The following CNKSR2 variants were observed in gnomAD, a reference collection of about 807,000 sequenced individuals.
CNKSR2 encodes connector enhancer of kinase suppressor of Ras 2.
CNKSR2 carries 14 observed loss-of-function variants against 84.4 expected under a neutral mutation model. The observed-to-expected ratio is 0.17, with a 90% confidence interval of 0.11 to 0.26. The LOEUF (loss-of-function observed/expected upper bound fraction) is 0.26. CNKSR2 is among the 10% of genes least tolerant of loss of function. The pLI is 1.00. For missense variants in CNKSR2, 485 were observed against 771.2 expected (o/e 0.63, Z 4.40); for synonymous variants, 275 against 277.9 (o/e 0.99, Z 0.10).
At chrX:21,605,512 G>T (rs2092511260) in intron 18 of CNKSR2, among the ~76,000 whole-genome samples, 1 of 111,708 alleles carries the variant, frequency 9.0e-6, no homozygotes, top group African/African-American at 3.3e-5. Flanking sequence ...AGCAGGAGGA[G>T]ATAGGGGGAT....
intron 9 of CNKSR2, among the ~76,000 whole-genome samples, chrX:21,521,045 G>A (rs894361818): frequency 9.1e-6 from 1 of 110,037 alleles, no homozygotes; most frequent in Non-Finnish European, 1.9e-5. Flanking sequence ...AATGTTGATT[G>A]CATTTGATTT....
In CNKSR2 at chrX:21,652,344, A is replaced by C. The variant is rs1293045702; in HGVS notation, c.2928A>C (p.Leu976=). The change falls in exon 22 of 22, where the codon CTA becomes CTC. Residue 976 remains leucine, a synonymous_variant. Transcript: ENST00000379510. ...EGEVAIIDKV[L]DNPDLTSKEF... Reference sequence around the variant, plus strand: ...AAGTAGCCATTATCGATAAAGTCCTAGACAATCCAGACTTGACATCTAAAG... The same window carrying C: ...AAGTAGCCATTATCGATAAAGTCCTCGACAATCCAGACTTGACATCTAAAG... 1 of 1,210,998 alleles carries C rather than the reference A, an allele frequency of 8.3e-7. No individual in the cohort carries two copies. The highest frequency in any genetic ancestry group is 3.0e-5 in the East Asian group (1 of 33,849).
intron 1 of CNKSR2, among the ~76,000 whole-genome samples, chrX:21,414,138 A>T (rs1289770428): frequency 9.0e-6 from 1 of 110,836 alleles, no homozygotes; most frequent in African/African-American, 3.3e-5. Context: ...TTTTTGAGGA[A>T]CCACTAAACT....
intron 5 of CNKSR2, among the ~76,000 whole-genome samples, chrX:21,476,601 G>A (rs948202494): frequency 6.3e-5 from 7 of 110,767 alleles, no homozygotes; most frequent in Non-Finnish European, 1.3e-4. Flanking sequence ...AATCCCTGGT[G>A]GGAAGGGAGA....
In CNKSR2 at chrX:21,461,073, C is replaced by T. The variant is rs769011520; in HGVS notation, c.520-9693C>T. 5.4e-5 allele frequency among the ~76,000 whole-genome samples: 6 copies of T among 111,781 alleles called. No individual in the cohort carries two copies. The East Asian group carries it at 1.4e-3, about 26-fold the overall frequency. On this transcript the variant is annotated intron_variant, in intron 4 of 21. Transcript: ENST00000379510. The stretch of plus-strand genomic sequence containing the variant: ...CAGAAGTTGGATTGCTGGATTATGT[C>T]ACAGCTGTATTTTTAGTTTTTTAAG...
chrX:21,640,786 C>G (rs1271770316), intron 20 of CNKSR2, among the ~76,000 whole-genome samples: 1 of 112,031 alleles, frequency 8.9e-6, no homozygotes, highest in African/African-American at 3.2e-5. Context: ...ATAAAATGAC[C>G]TAAAAGAGGG....
At chrX:21,562,799 C>T (rs1177004893) in intron 12 of CNKSR2, among the ~76,000 whole-genome samples, 1 of 110,598 alleles carries the variant, frequency 9.0e-6, no homozygotes, top group Non-Finnish European at 1.9e-5. Flanking sequence ...CTTAACTTCT[C>T]CAAGCATGCT....
intron 4 of CNKSR2, among the ~76,000 whole-genome samples, chrX:21,458,808 T>C (rs890800618): frequency 3.6e-5 from 4 of 110,477 alleles, no homozygotes; most frequent in African/African-American, 1.3e-4. Context: ...CCTCTATGTG[T>C]CCATGTGTTC....
intron 20 of CNKSR2, among the ~76,000 whole-genome samples, chrX:21,614,917 A>G (rs1395762189): frequency 8.9e-6 from 1 of 111,750 alleles, no homozygotes; most frequent in Non-Finnish European, 1.9e-5. Flanking sequence ...ACCAGGCCCT[A>G]TCTTTAGTCC....
chrX:21,573,172 G>T (rs1044144607), intron 13 of CNKSR2, among the ~76,000 whole-genome samples: 3 of 112,362 alleles, frequency 2.7e-5, no homozygotes, highest in Non-Finnish European at 5.6e-5. Context: ...CTCACATTTA[G>T]GTCACACTGT....
chrX:21,399,611 A>G (rs1485764226), intron 1 of CNKSR2, among the ~76,000 whole-genome samples: 1 of 111,878 alleles, frequency 8.9e-6, no homozygotes, highest in Non-Finnish European at 1.9e-5. Flanking sequence ...ACCTCTTAGG[A>G]TAGTGCAGTT....
intron 10 of CNKSR2, among the ~76,000 whole-genome samples, chrX:21,529,707 C>T (rs925775108): frequency 9.0e-6 from 1 of 110,820 alleles, no homozygotes; most frequent in African/African-American, 3.3e-5. Context: ...CACATACACA[C>T]ATTTACATAC....
chrX:21,438,989 A>G (rs1357028622), intron 3 of CNKSR2, among the ~76,000 whole-genome samples: 1 of 111,693 alleles, frequency 9.0e-6, no homozygotes, highest in Non-Finnish European at 1.9e-5. Context: ...ACAAATCCAC[A>G]GTTGTAGACT....
chrX:21,584,334 C>A (rs968148437), intron 13 of CNKSR2, among the ~76,000 whole-genome samples: 10 of 112,354 alleles, frequency 8.9e-5, no homozygotes, highest in Non-Finnish European at 1.9e-4. Context: ...ATGGTTTGTT[C>A]AACATCCATT....
At chrX:21,425,691 C>T (rs192367019) in intron 1 of CNKSR2, 3 of 111,443 alleles carry the variant, frequency 2.7e-5, no homozygotes, top group Non-Finnish European at 3.8e-5. Context: ...ATTTCTAGAG[C>T]GTTAGTTTTA....
intron 20 of CNKSR2, among the ~76,000 whole-genome samples, chrX:21,618,135 T>G (rs751120373): frequency 9.0e-6 from 1 of 111,066 alleles, no homozygotes; most frequent in Non-Finnish European, 1.9e-5. Flanking sequence ...GGATATGGGC[T>G]TCATAGCCAC....
At chrX:21,566,358 C>T (rs2092238525) in intron 13 of CNKSR2, among the ~76,000 whole-genome samples, 1 of 112,071 alleles carries the variant, frequency 8.9e-6, no homozygotes. Flanking sequence ...TTATATTTCA[C>T]AGGAATTTCT....
At chrX:21,538,047 T>C (rs927533718) in intron 11 of CNKSR2, 4 of 111,842 alleles carry the variant, frequency 3.6e-5, no homozygotes, top group African/African-American at 1.3e-4. Flanking sequence ...TTCTTTTGTG[T>C]GCTTCCATGA....
chrX:21,403,397 T>G (rs2090219240), intron 1 of CNKSR2, among the ~76,000 whole-genome samples: 1 of 111,845 alleles, frequency 8.9e-6, no homozygotes, highest in Non-Finnish European at 1.9e-5. Flanking sequence ...TAACAAACAG[T>G]TCTACCCTAA....
Sources: allele counts gnomAD v4.1 joint callset (sites outside exome capture counted in the v4.1 genomes callset), GRCh38; gene constraint gnomAD v4.1.1; transcripts MANE v1.5; gene names NCBI Gene and HGNC (gene_info 2026-07-23, HGNC 2026-07-21).